The following MEIOC variants were observed in gnomAD, a reference collection of about 807,000 sequenced individuals.
MEIOC encodes meiosis-specific coiled-coil domain-containing protein MEIOC.
In MEIOC, 9 loss-of-function variants were observed where a neutral mutation model predicts 85.3. The observed-to-expected ratio is 0.11, with a 90% confidence interval of 0.06 to 0.18. The LOEUF (loss-of-function observed/expected upper bound fraction) is 0.18, where lower values mean the gene tolerates loss of function less well. MEIOC is among the 10% of genes least tolerant of loss of function. The probability of loss-of-function intolerance (pLI) is 1.00; values close to 1 mark genes in which losing one functional copy is unlikely to be tolerated. For synonymous variants in MEIOC, 365 were observed against 393.7 expected, an observed-to-expected ratio of 0.93 and a Z score of 0.86; for missense variants, 898 against 1,129.4, an observed-to-expected ratio of 0.80 and a Z score of 2.94.
In MEIOC at chr17:44,667,492, A is replaced by G. The variant is rs776848317; in HGVS notation, c.1581A>G (p.Pro527=). The part of the protein sequence containing the change: ...FPQLSSTNLT[P]NSNLFQKYCQ... ...AACTATCATCCACAAACTTAACCCC[A>G]AATAGCAATTTATTTCAGAAATATT... Residue 527 remains proline, a synonymous_variant, in exon 5 of 8, where the codon CCA becomes CCG. Coordinates refer to ENST00000409122, the MANE Select transcript of MEIOC (RefSeq NM_001145080.3). The G allele has an allele frequency of 1.9e-6, 3 of 1,613,936 alleles. No homozygotes were observed. The highest frequency in any genetic ancestry group is 1.1e-5 in the South Asian group (1 of 91,068).
Position 44,667,810 on chromosome 17 carries a change from A to G in MEIOC, c.1899A>G (p.Thr633=). 6.2e-7 allele frequency: 1 copy of G among 1,613,962 alleles called. No homozygotes were observed. Among genetic ancestry groups the G allele is most frequent in the Non-Finnish European group, 8.5e-7 (1 of 1,179,858 alleles). The change falls in exon 5 of 8, where the codon ACA becomes ACG. Residue 633 remains threonine (T), a synonymous_variant. Transcript: ENST00000409122. ...ATTTAGATGGCTTATCACAAAATAC[A>G]TACCAAGATCTACTGGAGTCACAGG... ...PKHLDGLSQN[T]YQDLLESQGH...
Position 44,674,414 on chromosome 17 carries a change from G to A in MEIOC, c.*218G>A, listed in dbSNP as rs1183468073. ...GCAAAGGTACAGTTGACTACTCAGA[G>A]TTCTGAGTAGTCAGATAACAAGTTT... On this transcript the variant is annotated 3_prime_UTR_variant, in exon 8 of 8. Coordinates refer to ENST00000409122, the MANE Select transcript of MEIOC (RefSeq NM_001145080.3). 12 of 1,283,898 alleles carry A rather than the reference G, an allele frequency of 9.3e-6. No individual in the cohort carries two copies. The highest frequency in any genetic ancestry group is 1.2e-5 in the Non-Finnish European group (12 of 1,008,558). The allele number at this position is 1,283,898 out of a possible 1,614,324, so 79.5% of individuals were successfully genotyped here.
At chr17:44,673,084 T>A (rs1373216929) in intron 6 of MEIOC, 1 of 312,488 alleles carries the variant, frequency 3.2e-6, no homozygotes, top group Non-Finnish European at 5.8e-6. Flanking sequence ...AGATCTTGTA[T>A]TTGCAGTTAA....
chr17:44,661,884 T>A (rs1971847477), intron 2 of MEIOC, among the ~76,000 whole-genome samples: 1 of 152,138 alleles, frequency 6.6e-6, no homozygotes. Flanking sequence ...AAAATAACAT[T>A]GCTAGTATCC....
intron 6 of MEIOC, among the ~76,000 whole-genome samples, chr17:44,672,460 A>G (rs187391576): frequency 7.9e-5 from 12 of 152,292 alleles, no homozygotes; most frequent in Admixed American, 7.8e-4. Flanking sequence ...TTATGAAGAA[A>G]CTTAATACGA....
rs1971915379 is a variant in MEIOC at position 44,667,018 on chromosome 17, A to G, written c.1107A>G (p.Thr369=). The G allele has an allele frequency of 6.2e-7, 1 of 1,613,856 alleles. No individual in the cohort carries two copies. The highest frequency in any genetic ancestry group is 2.2e-5 in the East Asian group (1 of 44,878). The change falls in exon 5 of 8, where the codon ACA becomes ACG. Residue 369 remains threonine (T), a synonymous_variant. Coordinates refer to ENST00000409122, the MANE Select transcript of MEIOC (RefSeq NM_001145080.3). ...ETPTVEADTY[T]KLFQVKPANQ... The stretch of plus-strand genomic sequence containing the variant: ...CAACTGTAGAAGCAGACACCTACAC[A>G]AAGTTATTTCAGGTTAAGCCAGCGA...
chr17:44,674,477 TAA>T lies in MEIOC; in HGVS notation c.*283_*284del. On this transcript the variant is annotated 3_prime_UTR_variant, in exon 8 of 8. Coordinates refer to ENST00000409122, the MANE Select transcript of MEIOC (RefSeq NM_001145080.3). ...TATTTCCTAACAGCTAAAATGTGCT[TAA>T]ACTCATTCTGCCATGCAGGTAAATG... 1 of 1,125,864 alleles carries T rather than the reference TAA, an allele frequency of 8.9e-7. No individual in the cohort carries two copies. The highest frequency in any genetic ancestry group is 1.1e-6 in the Non-Finnish European group (1 of 917,544). The allele number at this position is 1,125,864 out of a possible 1,614,324, so 69.7% of individuals were successfully genotyped here.
intron 2 of MEIOC, among the ~76,000 whole-genome samples, chr17:44,657,572 A>G (rs534155653): frequency 1.9e-4 from 28 of 148,312 alleles, no homozygotes; most frequent in African/African-American, 6.7e-4. Context: ...TTTGTTTTTG[A>G]GATGGAGTTT....
In MEIOC at chr17:44,669,549, A is replaced by G. The variant is rs1598729137; in HGVS notation, c.2457+32A>G. 3 of 1,549,996 alleles carry G rather than the reference A, an allele frequency of 1.9e-6. No individual in the cohort carries two copies. The Admixed American group carries it at 5.9e-5, about 30-fold the overall frequency. On this transcript the variant is annotated intron_variant, in intron 6 of 7. Transcript: ENST00000409122. ...TGTAAAAATAGATAACAGTGGATGG[A>G]TTTTTTGTTAAATTTTTTTTAAGTT...
At chr17:44,664,470 T>C (rs1236471029) in intron 3 of MEIOC, among the ~76,000 whole-genome samples, 1 of 152,144 alleles carries the variant, frequency 6.6e-6, no homozygotes, top group African/African-American at 2.4e-5. Context: ...TCCAAAACTT[T>C]TTGAGTGCTG....
At chr17:44,658,338 G>T (rs977826945) in intron 2 of MEIOC, among the ~76,000 whole-genome samples, 7 of 150,392 alleles carry the variant, frequency 4.7e-5, no homozygotes, top group Non-Finnish European at 8.9e-5. Flanking sequence ...TGTATTTTTA[G>T]TAGATACGGG....
chr17:44,675,916 G>A (rs183097472), downstream of MEIOC: 613 of 263,368 alleles, frequency 2.3e-3, 4 homozygotes, highest in African/African-American at 0.013. Context: ...CATTATTAAC[G>A]CACAAGTAAT....
rs1277418534 is a variant in MEIOC at position 44,656,735 on chromosome 17, G to T, written c.69+53G>T. The T allele has an allele frequency of 5.7e-6, 8 of 1,395,694 alleles. No homozygotes were observed. The African/African-American group carries it at 1.2e-4, about 21-fold the overall frequency. 86.5% of individuals were successfully genotyped at this position (1,395,694 alleles called of 1,614,324 possible). A position where few individuals can be genotyped will look rare whatever the true frequency, so the allele number is the denominator to read the frequency against. On this transcript the variant is annotated intron_variant, in intron 1 of 7. Transcript: ENST00000409122. ...GGGGGCGGCCAGACTTGCAAGAGGCGACGAGGAGGAGAGGCTGAGGAGGGG... is the reference window on the plus strand; with the variant it reads ...GGGGGCGGCCAGACTTGCAAGAGGCTACGAGGAGGAGAGGCTGAGGAGGGG...
rs1971926221 is a variant in MEIOC, at chr17:44,667,484, T to C, written c.1573T>C (p.Leu525=). The C allele has an allele frequency of 6.2e-7, 1 of 1,613,850 alleles. No individual in the cohort carries two copies. The highest frequency in any genetic ancestry group is 1.1e-5 in the South Asian group (1 of 91,070). The change falls in exon 5 of 8, where the codon TTA becomes CTA. Residue 525 remains leucine, a synonymous_variant. Transcript: ENST00000409122. ...SDFPQLSSTN[L]TPNSNLFQKY... ...TTTCCCCCAACTATCATCCACAAAC[T>C]TAACCCCAAATAGCAATTTATTTCA...
At chr17:44,665,661 G>T (rs1971893452) in intron 4 of MEIOC, among the ~76,000 whole-genome samples, 173 bp downstream of exon 4, 1 of 151,978 alleles carries the variant, frequency 6.6e-6, no homozygotes, top group African/African-American at 2.4e-5. Context: ...CTATATAATT[G>T]GAAGTTCAGT....
chr17:44,659,635 G>C (rs1971818113), intron 2 of MEIOC, among the ~76,000 whole-genome samples: 1 of 152,174 alleles, frequency 6.6e-6, no homozygotes, highest in East Asian at 1.9e-4. Flanking sequence ...GTACTTGAAA[G>C]AATACTCCCA....
chr17:44,676,865 A>C, downstream of MEIOC: 4 of 719,032 alleles, frequency 5.6e-6, no homozygotes, highest in Non-Finnish European at 6.8e-6. Context: ...TGAACATTTT[A>C]GACGTAAAGG....
chr17:44,665,043 C>A, intron 3 of MEIOC: 1 of 654,374 alleles, frequency 1.5e-6, no homozygotes, highest in Non-Finnish European at 1.9e-6. Flanking sequence ...CTTTCAGGAG[C>A]AGCTATGATA....
intron 2 of MEIOC, among the ~76,000 whole-genome samples, chr17:44,659,949 ATATAAAC>A (rs1196266114): frequency 6.6e-6 from 1 of 152,196 alleles, no homozygotes; most frequent in African/African-American, 2.4e-5. Context: ...AATAGTCATA[ATATAAAC>A]TATAAACAGA....
Sources: gnomAD v4.1 joint callset for allele counts (sites outside exome capture counted in the v4.1 genomes callset) on GRCh38, gnomAD v4.1.1 for gene constraint, MANE v1.5 for transcripts, NCBI Gene and HGNC (gene_info 2026-07-23, HGNC 2026-07-21) for gene names.